Variants in ST7 observed in about 807,000 individuals in gnomAD.
The protein encoded by ST7 is suppressor of tumorigenicity 7 protein.
Under a neutral mutation model 78.7 loss-of-function variants are expected in ST7, and 28 were observed. That is an observed-to-expected ratio of 0.36 (90% CI 0.26 to 0.49). The LOEUF (loss-of-function observed/expected upper bound fraction) is 0.49. ST7 is among the 20% of genes least tolerant of loss of function. ST7 has a pLI of 0.99. For synonymous variants in ST7, 247 were observed against 249.6 expected (o/e 0.99, Z 0.10); for missense variants, 418 against 696.0 (o/e 0.60, Z 4.49).
chr7:117,054,737 G>GT (rs1188913031), intron 1 of ST7, among the ~76,000 whole-genome samples: 3 of 152,234 alleles, frequency 2.0e-5, no homozygotes, highest in African/African-American at 4.8e-5. Flanking sequence ...CCAGCACATT[G>GT]TTTTTTTAAA....
At chr7:117,032,054 G>T (rs1796627574) in intron 1 of ST7, among the ~76,000 whole-genome samples, 1 of 151,428 alleles carries the variant, frequency 6.6e-6, no homozygotes, top group Non-Finnish European at 1.5e-5. Context: ...GCTAATTTTT[G>T]TATTTTTAGT....
At chr7:116,977,310 A>C (rs563322088) in intron 1 of ST7, among the ~76,000 whole-genome samples, 6 of 152,340 alleles carry the variant, frequency 3.9e-5, no homozygotes, top group African/African-American at 2.4e-5. Context: ...ACTGTACTGC[A>C]AAAAATGCAG....
At chr7:117,090,663 T>C (rs918065224) in intron 1 of ST7, 9 of 165,850 alleles carry the variant, frequency 5.4e-5, no homozygotes, top group African/African-American at 1.2e-4. Flanking sequence ...ACTTGTAAAA[T>C]AGTCTTCAAT....
At chr7:117,012,069 C>T (rs950418748) in intron 1 of ST7, among the ~76,000 whole-genome samples, 1 of 152,140 alleles carries the variant, frequency 6.6e-6, no homozygotes, top group Non-Finnish European at 1.5e-5. Context: ...GCTTTCTGCA[C>T]TTGAGTACTT....
intron 15 of ST7, among the ~76,000 whole-genome samples, chr7:117,226,577 C>G (rs1043738119): frequency 7.2e-5 from 11 of 152,106 alleles, no homozygotes; most frequent in South Asian, 2.1e-4. Context: ...ACTGAGCATC[C>G]CAAGCAAGTC....
At chr7:117,189,864 A>G (rs1256092758) in intron 11 of ST7, among the ~76,000 whole-genome samples, 1 of 152,148 alleles carries the variant, frequency 6.6e-6, no homozygotes, top group Non-Finnish European at 1.5e-5. Context: ...TTGCCATCTC[A>G]ATGGTACGTT....
intron 1 of ST7, among the ~76,000 whole-genome samples, chr7:117,027,166 G>T (rs1796226038): frequency 1.3e-5 from 2 of 152,200 alleles, no homozygotes; most frequent in African/African-American, 4.8e-5. Flanking sequence ...ATAAAGGGCT[G>T]GGCACAGTGG....
intron 1 of ST7, among the ~76,000 whole-genome samples, chr7:117,042,087 A>T (rs570901061): frequency 6.6e-6 from 1 of 152,312 alleles, no homozygotes; most frequent in African/African-American, 2.4e-5. Flanking sequence ...ATAAATACAC[A>T]TACGTATTTT....
At chr7:117,017,117 G>T (rs1449362493) in intron 1 of ST7, among the ~76,000 whole-genome samples, 1 of 152,116 alleles carries the variant, frequency 6.6e-6, no homozygotes, top group Non-Finnish European at 1.5e-5. Flanking sequence ...TTGTTGAAAT[G>T]TCACCTTTTT....
chr7:116,989,999 G>T (rs1794355937), intron 1 of ST7, among the ~76,000 whole-genome samples: 1 of 152,118 alleles, frequency 6.6e-6, no homozygotes, highest in South Asian at 2.1e-4. Context: ...GGAGTGCAGT[G>T]GCACGATCTC....
chr7:117,157,056 A>G (rs1175083204), intron 9 of ST7, among the ~76,000 whole-genome samples: 3 of 152,190 alleles, frequency 2.0e-5, no homozygotes, highest in Non-Finnish European at 4.4e-5. Context: ...GTAAGGCTTA[A>G]GGTCAAGAGT....
intron 1 of ST7, among the ~76,000 whole-genome samples, chr7:117,084,023 G>A (rs1389439583): frequency 6.6e-6 from 1 of 152,200 alleles, no homozygotes; most frequent in African/African-American, 2.4e-5. Flanking sequence ...ACTTGAGTCT[G>A]AGATTCTAAA....
chr7:117,102,253 A>T (rs1042178534), intron 2 of ST7, among the ~76,000 whole-genome samples: 2 of 152,242 alleles, frequency 1.3e-5, no homozygotes, highest in African/African-American at 4.8e-5. Flanking sequence ...ATTGGTCTTC[A>T]CATTTGTCGG....
intron 12 of ST7, among the ~76,000 whole-genome samples, chr7:117,195,092 C>T (rs1379274886): frequency 1.3e-5 from 2 of 152,188 alleles, no homozygotes; most frequent in African/African-American, 4.8e-5. Flanking sequence ...AAAAAACAAT[C>T]TACTCATATT....
intron 1 of ST7, among the ~76,000 whole-genome samples, chr7:117,070,860 C>T (rs1798906931): frequency 6.6e-6 from 1 of 151,850 alleles, no homozygotes; most frequent in Admixed American, 6.6e-5. Context: ...GCATGTTTAA[C>T]AGTAGTAAAT....
At chr7:117,228,814 G>A (rs1469688280) in intron 15 of ST7, among the ~76,000 whole-genome samples, 1 of 152,044 alleles carries the variant, frequency 6.6e-6, no homozygotes, top group Non-Finnish European at 1.5e-5. Context: ...GCTGTGTAAT[G>A]GACAAGGGCT....
chr7:117,184,178 C>T (rs1156877873), intron 10 of ST7: 1 of 152,232 alleles, frequency 6.6e-6, no homozygotes, highest in Non-Finnish European at 1.5e-5. Context: ...AAAATTAATG[C>T]CAGCAGTTCA....
At chr7:116,972,032 A>G (rs1403471043) in intron 1 of ST7, 2 of 458,032 alleles carry the variant, frequency 4.4e-6, no homozygotes, top group Non-Finnish European at 8.5e-6. Flanking sequence ...ACAGGGGAGG[A>G]GCGGGAGGCA....
intron 10 of ST7, among the ~76,000 whole-genome samples, chr7:117,178,069 CAAGTGTATCTGGTAGA>C (rs1808475017): frequency 6.6e-6 from 1 of 152,158 alleles, no homozygotes; most frequent in Non-Finnish European, 1.5e-5. Context: ...ATAGGAGCTT[CAAGTGTATCTGGTAGA>C]AATGATATCA....
Sources: allele counts gnomAD v4.1 joint callset (sites outside exome capture counted in the v4.1 genomes callset), GRCh38; gene constraint gnomAD v4.1.1; transcripts MANE v1.5; gene names NCBI Gene and HGNC (gene_info 2026-07-23, HGNC 2026-07-21).